The following DPP6 variants were observed in gnomAD, a reference collection of about 807,000 sequenced individuals.
DPP6 encodes dipeptidyl peptidase like 6.
A neutral mutation model predicts 122.6 loss-of-function variants in DPP6; 69 were observed. The observed-to-expected ratio is 0.56, with a 90% confidence interval of 0.46 to 0.69. The LOEUF (loss-of-function observed/expected upper bound fraction) is 0.69. Among genes scored for constraint, DPP6 ranks in the 30% least tolerant of loss-of-function variants. The pLI is 0.00. For missense variants in DPP6, 928 were observed against 1,116.9 expected (o/e 0.83, Z 2.41); for synonymous variants, 418 against 433.1 (o/e 0.97, Z 0.43).
chr7:153,848,327 C>T, the DPP6 span, among the ~76,000 whole-genome samples: 10 of 150,850 alleles, frequency 6.6e-5, no homozygotes, highest in Non-Finnish European at 1.3e-4. Context: ...GATTAAAGGC[C>T]AGGTTCTAAG....
At chr7:154,251,128 G>T (rs909587853) in intron 1 of DPP6, among the ~76,000 whole-genome samples, 2 of 152,206 alleles carry the variant, frequency 1.3e-5, no homozygotes, top group Admixed American at 1.3e-4. Context: ...TGTTATTTTT[G>T]AGTTTCTCTT....
chr7:153,965,345 C>T (rs1243516829), intron 1 of DPP6, among the ~76,000 whole-genome samples: 3 of 151,960 alleles, frequency 2.0e-5, no homozygotes. Flanking sequence ...ATTTCTCCAG[C>T]CTCCCCTCAT....
At chr7:153,826,659 CA>C in the DPP6 span, among the ~76,000 whole-genome samples, 1 of 152,144 alleles carries the variant, frequency 6.6e-6, no homozygotes, top group Non-Finnish European at 1.5e-5. Flanking sequence ...TAAGTATTAT[CA>C]CCCTGATTAA....
At chr7:153,978,751 C>G (rs1231536640) in intron 1 of DPP6, among the ~76,000 whole-genome samples, 1 of 152,114 alleles carries the variant, frequency 6.6e-6, no homozygotes, top group Non-Finnish European at 1.5e-5. Context: ...CGTCCAGTTT[C>G]AGTTTTCTGC....
the DPP6 span, among the ~76,000 whole-genome samples, chr7:153,811,553 G>A: frequency 2.6e-5 from 4 of 152,156 alleles, no homozygotes; most frequent in Admixed American, 1.3e-4. Context: ...TCTGCCAGTC[G>A]AAGGCATTGT....
At chr7:154,733,491 C>T (rs138594465) in intron 8 of DPP6, among the ~76,000 whole-genome samples, 3 of 152,314 alleles carry the variant, frequency 2.0e-5, no homozygotes, top group Non-Finnish European at 4.4e-5. Context: ...AAAGAGTCAG[C>T]ACTCATGACC....
Position 154,887,717 on chromosome 7 carries a change from G to A in DPP6, c.2287G>A (p.Asp763Asn). The change falls in exon 23 of 26, where the codon GAC becomes AAC. Residue 763 changes from aspartate to asparagine, a missense_variant. Asp to Asn is a conservative substitution (Grantham distance 23). Coordinates refer to ENST00000377770, the MANE Select transcript of DPP6 (RefSeq NM_130797.4). ...SERYLGLHGL[D>N]NRAYEMTKVA... ...GAGGTACTTGGGCCTCCATGGACTTGACAACAGAGCATACGAGGTGTGTAT... is the reference window on the plus strand; with the variant it reads ...GAGGTACTTGGGCCTCCATGGACTTAACAACAGAGCATACGAGGTGTGTAT... 1 of 1,613,874 alleles carries A rather than the reference G, an allele frequency of 6.2e-7. No individual in the cohort carries two copies. Among genetic ancestry groups the A allele is most frequent in the Non-Finnish European group, 8.5e-7 (1 of 1,179,816 alleles).
chr7:153,789,386 G>A, the DPP6 span, among the ~76,000 whole-genome samples: 1 of 152,030 alleles, frequency 6.6e-6, no homozygotes, highest in Non-Finnish European at 1.5e-5. Flanking sequence ...TCTACAATAT[G>A]ACAGATACAT....
At chr7:153,993,989 G>GA (rs1563083257) in intron 1 of DPP6, among the ~76,000 whole-genome samples, 1 of 152,214 alleles carries the variant, frequency 6.6e-6, no homozygotes, top group African/African-American at 2.4e-5. Context: ...GAGTTATGAA[G>GA]AAGCTATTGG....
chr7:154,052,837 A>C lies in DPP6; in HGVS notation c.17A>C (p.Gln6Pro). ...CGGTGCCCGATGGCTTCGCTGTACC[A>C]GAGGTTCACTGGCAAGATCAACACC... MASLY[Q>P]RFTGKINTSR... The change falls in exon 1 of 26, where the codon CAG becomes CCG. Residue 6 changes from glutamine (Q) to proline (P), a missense_variant. Transcript: ENST00000377770. The surrounding 1 kb of genome is among the most constrained non-coding windows in gnomAD (Gnocchi z 4.8). 6.5e-7 allele frequency: 1 copy of C among 1,532,976 alleles called. No individual in the cohort carries two copies. Among genetic ancestry groups the C allele is most frequent in the Non-Finnish European group, 8.8e-7 (1 of 1,139,432 alleles). 95.0% of individuals were successfully genotyped at this position (1,532,976 alleles called of 1,614,324 possible).
At chr7:154,629,162 T>TATGG (rs1835262783) in intron 5 of DPP6, among the ~76,000 whole-genome samples, 1 of 152,230 alleles carries the variant, frequency 6.6e-6, no homozygotes, top group African/African-American at 2.4e-5. Context: ...CAGATATGGA[T>TATGG]ATGACTGTGC....
chr7:154,619,923 A>G (rs1451678300), intron 5 of DPP6, among the ~76,000 whole-genome samples: 1 of 152,062 alleles, frequency 6.6e-6, no homozygotes, highest in Non-Finnish European at 1.5e-5. Flanking sequence ...GAGGTTTTCA[A>G]CTCTTGGTGT....
At chr7:154,167,071 C>T (rs1250110024) in intron 1 of DPP6, among the ~76,000 whole-genome samples, 2 of 150,596 alleles carry the variant, frequency 1.3e-5, no homozygotes, top group Non-Finnish European at 2.9e-5. Context: ...CATGCACCCC[C>T]ACAACTGTCT....
At chr7:153,907,698 T>C (rs1271184653) in intron 1 of DPP6, among the ~76,000 whole-genome samples, 1 of 152,224 alleles carries the variant, frequency 6.6e-6, no homozygotes, top group Non-Finnish European at 1.5e-5. Context: ...AATGGGGAAT[T>C]CTGCAGCAAA....
chr7:154,174,147 G>C (rs943033447), intron 1 of DPP6, among the ~76,000 whole-genome samples: 2 of 152,192 alleles, frequency 1.3e-5, no homozygotes, highest in Admixed American at 1.3e-4. Context: ...CGGGGGACCT[G>C]AGTCACACCA....
At chr7:154,232,033 T>A (rs539565399) in intron 1 of DPP6, among the ~76,000 whole-genome samples, 3 of 152,276 alleles carry the variant, frequency 2.0e-5, no homozygotes, top group East Asian at 3.9e-4. Context: ...TCGTGTTTCA[T>A]GGTGCAGCAC....
intron 3 of DPP6, among the ~76,000 whole-genome samples, chr7:154,504,366 A>G (rs1307429022): frequency 6.6e-6 from 1 of 152,180 alleles, no homozygotes; most frequent in Non-Finnish European, 1.5e-5. Flanking sequence ...CTATTAAATC[A>G]CTTATTAATA....
chr7:153,815,618 C>T, the DPP6 span, among the ~76,000 whole-genome samples: 2 of 151,818 alleles, frequency 1.3e-5, no homozygotes, highest in South Asian at 4.2e-4. Context: ...CTGAAGCATC[C>T]CAGTGGTACT....
At chr7:154,350,880 T>C (rs185316235) in intron 1 of DPP6, among the ~76,000 whole-genome samples, 1 of 152,140 alleles carries the variant, frequency 6.6e-6, no homozygotes, top group Admixed American at 6.5e-5. Flanking sequence ...GAGCTGGAGA[T>C]CACTGACTGG....
Sources: allele counts gnomAD v4.1 joint callset (sites outside exome capture counted in the v4.1 genomes callset), GRCh38; gene constraint gnomAD v4.1.1; non-coding constraint Gnocchi (gnomAD v3.1); transcripts MANE v1.5; gene names NCBI Gene and HGNC (gene_info 2026-07-23, HGNC 2026-07-21).